PACS1: variants seen among roughly 807,000 people sequenced by gnomAD.
PACS1 encodes the protein PACS-1.
A neutral mutation model predicts 115.0 loss-of-function variants in PACS1; 24 were observed. That is an observed-to-expected ratio of 0.21 (90% CI 0.15 to 0.29). PACS1 has a LOEUF of 0.29. Ranked by LOEUF, PACS1 falls within the 10% of genes least tolerant of loss-of-function variation. PACS1 has a pLI of 1.00. For missense variants in PACS1, 838 were observed against 1,251.2 expected, an observed-to-expected ratio of 0.67 and a Z score of 4.98; for synonymous variants, 453 against 504.5, an observed-to-expected ratio of 0.90 and a Z score of 1.37.
At chr11:66,117,058 T>C (rs550229550) in intron 1 of PACS1, among the ~76,000 whole-genome samples, 1 of 152,154 alleles carries the variant, frequency 6.6e-6, no homozygotes, top group East Asian at 1.9e-4. Flanking sequence ...TGTGGCTTTA[T>C]TATTATAAAT....
chr11:66,121,866 C>T (rs1320779252), intron 1 of PACS1, among the ~76,000 whole-genome samples: 1 of 152,198 alleles, frequency 6.6e-6, no homozygotes, highest in East Asian at 1.9e-4. Context: ...CAGGGTGAAG[C>T]AGCAAGTGCT....
intron 1 of PACS1, among the ~76,000 whole-genome samples, chr11:66,148,576 G>C (rs1859173601): frequency 6.6e-6 from 1 of 152,186 alleles, no homozygotes; most frequent in South Asian, 2.1e-4. Flanking sequence ...CCATCAGAAA[G>C]GGACTGATTA....
intron 2 of PACS1, among the ~76,000 whole-genome samples, chr11:66,197,764 C>T (rs1294147394): frequency 6.6e-6 from 1 of 152,056 alleles, no homozygotes; most frequent in African/African-American, 2.4e-5. Flanking sequence ...TGCACTCTAC[C>T]CTGGGCAACA....
At chr11:66,191,927 G>A (rs1854533193) in intron 1 of PACS1, among the ~76,000 whole-genome samples, 1 of 152,044 alleles carries the variant, frequency 6.6e-6, no homozygotes, top group African/African-American at 2.4e-5. Context: ...GGAGGCTGAG[G>A]CAGCAGAATT....
chr11:66,127,436 CCCCTTAGCAGAG>C (rs1322633775), intron 1 of PACS1, among the ~76,000 whole-genome samples: 2 of 152,180 alleles, frequency 1.3e-5, no homozygotes, highest in Non-Finnish European at 2.9e-5. Context: ...TCAAGAGCCT[CCCCTTAGCAGAG>C]AACCGCCTGG....
Position 66,242,993 on chromosome 11 carries a change from T to G in PACS1, c.2738T>G (p.Leu913Arg). The G allele has an allele frequency of 6.2e-7, 1 of 1,613,854 alleles. No individual in the cohort carries two copies. The highest frequency in any genetic ancestry group is 8.5e-7 in the Non-Finnish European group (1 of 1,179,912). Residue 913 changes from leucine (L) to arginine (R), a missense_variant, in exon 23 of 24, where the codon CTC becomes CGC. Leu to Arg is a moderately radical substitution (Grantham distance 102). Transcript: ENST00000320580. ...CAGGTCATTGAAGGCATCAGCCGCC[T>G]CATCTGCTCAGCCAAGCAGCAGCAG... ...KSQVIEGISR[L>R]ICSAKQQQTM... is the part of the protein sequence containing the mutation.
intron 1 of PACS1, among the ~76,000 whole-genome samples, chr11:66,149,777 T>C (rs1338241191): frequency 1.3e-5 from 2 of 151,948 alleles, no homozygotes; most frequent in Non-Finnish European, 2.9e-5. Context: ...GAGACGGAGT[T>C]TCGCTCTTGT....
intron 1 of PACS1, chr11:66,100,707 G>T (rs1857897782): frequency 6.8e-6 from 3 of 439,536 alleles, no homozygotes; most frequent in Non-Finnish European, 1.4e-5. Flanking sequence ...AAGTGAGGTG[G>T]GCTGGTTCAA....
intron 1 of PACS1, among the ~76,000 whole-genome samples, chr11:66,141,312 G>A (rs191537600): frequency 6.6e-6 from 1 of 151,934 alleles, no homozygotes; most frequent in African/African-American, 2.4e-5. Context: ...TTTCCCCAGA[G>A]ACAGGGTCTC....
intron 1 of PACS1, among the ~76,000 whole-genome samples, chr11:66,110,415 G>C (rs1228296122): frequency 6.6e-6 from 1 of 152,076 alleles, no homozygotes; most frequent in Non-Finnish European, 1.5e-5. Context: ...GGGCTCAAGG[G>C]ATCCTCCTGC....
chr11:66,243,436 C>CG lies in PACS1; in HGVS notation c.*157dup. 1.6e-6 allele frequency: 1 copy of CG among 611,600 alleles called. No individual in the cohort carries two copies. The highest frequency in any genetic ancestry group is 4.4e-4 in the Middle Eastern group (1 of 2,294). The allele number at this position is 611,600 out of a possible 1,614,324, so 37.9% of individuals were successfully genotyped here. A position where few individuals can be genotyped will look rare whatever the true frequency, so the allele number is the denominator to read the frequency against. On this transcript the variant is annotated 3_prime_UTR_variant, in exon 24 of 24. Transcript: ENST00000320580. ...GTCCCGAAGGACACTGCCACAGGGA[C>CG]GCCTTCCCTCCCCTCCCCTCCAGCC...
At chr11:66,086,518 C>G (rs948608559) in intron 1 of PACS1, among the ~76,000 whole-genome samples, 1 of 152,160 alleles carries the variant, frequency 6.6e-6, no homozygotes, top group Non-Finnish European at 1.5e-5. Flanking sequence ...GGCCAAAGGC[C>G]GATTTGTTAT....
intron 1 of PACS1, among the ~76,000 whole-genome samples, chr11:66,181,221 A>T (rs576449730): frequency 0.021 from 2,970 of 141,950 alleles, 118 homozygotes; most frequent in African/African-American, 0.073. Flanking sequence ...TTTATTTTTT[A>T]TTTTTTTTGA....
chr11:66,230,610 C>A lies in PACS1; in HGVS notation c.1437C>A (p.Val479=), dbSNP rs1855570822. Residue 479 remains valine, a synonymous_variant, in exon 12 of 24, where the codon GTC becomes GTA. Transcript: ENST00000320580. ...CGAGTCTGGTTGTGCCGGAGAAAGT[C>A]AAAACTCCCATGAAGTCCAGTAAAA... ...ASTSLVVPEK[V]KTPMKSSKTD... is the part of the protein sequence containing the mutation. 1 of 1,614,138 alleles carries A rather than the reference C, an allele frequency of 6.2e-7. No homozygotes were observed. Among genetic ancestry groups the A allele is most frequent in the African/African-American group, 1.3e-5 (1 of 75,018 alleles).
At chr11:66,086,134 CTTTTTTTT>C (rs1196106929) in intron 1 of PACS1, among the ~76,000 whole-genome samples, 4 of 122,816 alleles carry the variant, frequency 3.3e-5, no homozygotes, top group African/African-American at 1.2e-4. Context: ...CTTATGATTT[CTTTTTTTT>C]TTTTTTTTTT....
At chr11:66,127,943 C>G (rs1299301148) in intron 1 of PACS1, among the ~76,000 whole-genome samples, 3 of 152,174 alleles carry the variant, frequency 2.0e-5, no homozygotes, top group Admixed American at 1.3e-4. Flanking sequence ...ACGCCTAGAT[C>G]TTACTGTGTA....
intron 21 of PACS1, among the ~76,000 whole-genome samples, chr11:66,240,592 TGGAGGGAACAGTAGA>T (rs1855792135): frequency 6.6e-6 from 1 of 152,032 alleles, no homozygotes; most frequent in Non-Finnish European, 1.5e-5. Flanking sequence ...CAGGGTCTTC[TGGAGGGAACAGTAGA>T]GGAAAGGAGG....
At chr11:66,078,212 T>A (rs1401677327) in intron 1 of PACS1, among the ~76,000 whole-genome samples, 2 of 152,216 alleles carry the variant, frequency 1.3e-5, no homozygotes, top group African/African-American at 4.8e-5. Context: ...CCACAGGTCA[T>A]TTTGGCAAAA....
At chr11:66,217,142 G>T (rs1855232320) in intron 7 of PACS1, 3 of 318,536 alleles carry the variant, frequency 9.4e-6, no homozygotes, top group Non-Finnish European at 1.8e-5. Flanking sequence ...CTCCCTCTAG[G>T]AGTAGCACTA....
Sources: allele counts gnomAD v4.1 joint callset (sites outside exome capture counted in the v4.1 genomes callset), GRCh38; gene constraint gnomAD v4.1.1; transcripts MANE v1.5; gene names NCBI Gene and HGNC (gene_info 2026-07-23, HGNC 2026-07-21).